Variants in DNAH7 observed in about 807,000 individuals in gnomAD.
The protein encoded by DNAH7 is axonemal beta dynein heavy chain 7.
Under a neutral mutation model 444.6 loss-of-function variants are expected in DNAH7, and 397 were observed. The observed-to-expected ratio is 0.89, with a 90% CI of 0.82 to 0.97. The LOEUF (loss-of-function observed/expected upper bound fraction) is 0.97, where lower values mean the gene tolerates loss of function less well. Among genes scored for constraint, DNAH7 ranks in the 50% least tolerant of loss-of-function variants. The probability of loss-of-function intolerance (pLI) is 0.00; values close to 1 mark genes in which losing one functional copy is unlikely to be tolerated. For synonymous variants in DNAH7, 1,636 were observed against 1,624.4 expected (o/e 1.01, Z -0.17); for missense variants, 4,902 against 4,800.8 (o/e 1.02, Z -0.62).
intron 17 of DNAH7, among the ~76,000 whole-genome samples, chr2:195,965,000 G>A (rs759526695): frequency 6.6e-6 from 1 of 151,948 alleles, no homozygotes; most frequent in African/African-American, 2.4e-5. Flanking sequence ...CCAGCACTAT[G>A]TTGACTCACA....
intron 24 of DNAH7, among the ~76,000 whole-genome samples, chr2:195,911,876 C>T (rs1687379406): frequency 6.6e-6 from 1 of 151,946 alleles, no homozygotes; most frequent in Non-Finnish European, 1.5e-5. Flanking sequence ...AAAATTAAAC[C>T]AAAAGTAAGG....
chr2:195,888,974 T>A lies in DNAH7; in HGVS notation c.5054A>T (p.Asp1685Val), dbSNP rs772695224. 5 of 1,612,440 alleles carry A rather than the reference T, an allele frequency of 3.1e-6. No homozygotes were observed. The Admixed American group carries it at 6.7e-5, about 22-fold the overall frequency. ...GCCATCAAAAATTAACCATTTCCTA[T>A]CTGGAGTCTGTTTCATGCATATGTG... The part of the protein sequence containing the change: ...FRAFASSVTP[D>V]RKWLIFDGPV... Residue 1685 changes from aspartate (D) to valine (V), a missense_variant, in exon 32 of 65, where the codon GAT becomes GTT. Coordinates refer to ENST00000312428, the MANE Select transcript of DNAH7 (RefSeq NM_018897.3).
chr2:195,779,564 T>A (rs934576776), intron 58 of DNAH7, among the ~76,000 whole-genome samples: 7 of 152,086 alleles, frequency 4.6e-5, no homozygotes, highest in African/African-American at 1.7e-4. Context: ...GTTTTTTTTT[T>A]AAACTAGCCT....
At position 195,816,680 on chromosome 2, in the gene DNAH7, G is replaced by A. The variant is rs1286323536; in HGVS notation, c.9709C>T (p.Leu3237Phe). 1 of 1,614,012 alleles carries A rather than the reference G, an allele frequency of 6.2e-7. No individual in the cohort carries two copies. Among genetic ancestry groups the A allele is most frequent in the Non-Finnish European group, 8.5e-7 (1 of 1,179,978 alleles). The change falls in exon 51 of 65, where the codon CTT becomes TTT. Residue 3237 changes from leucine (L) to phenylalanine (F), a missense_variant. Coordinates refer to ENST00000312428, the MANE Select transcript of DNAH7 (RefSeq NM_018897.3). ...YQYSLTWFIN[L>F]FILSIENSEK... ...GAATTTTCAATAGACAGGATGAAAAGGTTAATAAACCAGGTCAGTGAATAC... is the reference window on the plus strand; with the variant it reads ...GAATTTTCAATAGACAGGATGAAAAAGTTAATAAACCAGGTCAGTGAATAC...
chr2:195,810,024 A>G (rs1329175828), intron 51 of DNAH7, among the ~76,000 whole-genome samples, 153 bp from the exon 52 acceptor site: 5 of 152,152 alleles, frequency 3.3e-5, no homozygotes, highest in Admixed American at 2.0e-4. Context: ...TACCAATTTG[A>G]GAGCTACACA....
intron 2 of DNAH7, among the ~76,000 whole-genome samples, chr2:196,051,802 C>T (rs1018082062): frequency 3.3e-5 from 5 of 152,040 alleles, no homozygotes; most frequent in Non-Finnish European, 7.4e-5. Flanking sequence ...ACAAGTTCTA[C>T]CTAGGAACTA....
chr2:195,769,034 A>G (rs902944460), intron 61 of DNAH7, among the ~76,000 whole-genome samples: 1 of 152,202 alleles, frequency 6.6e-6, no homozygotes, highest in Non-Finnish European at 1.5e-5. Flanking sequence ...GAGGTCTTAC[A>G]TTGCTACATT....
At chr2:195,945,600 C>A (rs980136535) in intron 19 of DNAH7, among the ~76,000 whole-genome samples, 1 of 152,018 alleles carries the variant, frequency 6.6e-6, no homozygotes, top group Non-Finnish European at 1.5e-5. Flanking sequence ...ATGTAGAGAG[C>A]CTGGCAGATG....
At chr2:195,810,694 C>T (rs577264695) in intron 51 of DNAH7, among the ~76,000 whole-genome samples, 106 of 151,776 alleles carry the variant, frequency 7.0e-4, no homozygotes, top group African/African-American at 2.4e-3. Context: ...TGCAGCATTC[C>T]CATAAAGAGA....
intron 63 of DNAH7, among the ~76,000 whole-genome samples, chr2:195,748,690 C>A (rs1231855723): frequency 6.6e-6 from 1 of 152,144 alleles, no homozygotes; most frequent in Non-Finnish European, 1.5e-5. Flanking sequence ...CGCTTATCTA[C>A]AACTATCTGA....
intron 52 of DNAH7, among the ~76,000 whole-genome samples, chr2:195,809,244 A>G (rs1225003220): frequency 1.3e-5 from 2 of 152,224 alleles, no homozygotes; most frequent in African/African-American, 4.8e-5. Context: ...CATGTTTTTG[A>G]CTATTTTCCA....
rs1410441318 is a variant in DNAH7, at chr2:195,816,644, C to A, written c.9745G>T (p.Glu3249Ter). The change falls in exon 51 of 65, where the codon GAA becomes TAA. Residue 3249 changes from glutamate to a stop codon, truncating the protein, a stop_gained. Transcript: ENST00000312428. LOFTEE classifies it high-confidence loss of function. ...ILSIENSEKS[E>*]ILAKRLQILK... ...TTTACATACCTTTTTGCCAAAATTT[C>A]TGATTTCTCTGAATTTTCAATAGAC... 6.2e-7 allele frequency: 1 copy of A among 1,609,424 alleles called. No individual in the cohort carries two copies.
intron 1 of DNAH7, chr2:196,063,834 A>T (rs1172487791): frequency 6.6e-6 from 1 of 152,192 alleles, no homozygotes; most frequent in Non-Finnish European, 1.5e-5. Flanking sequence ...TCCTTCTGCA[A>T]CTTTTCATAT....
At chr2:195,942,515 AAT>A (rs1482318832) in intron 19 of DNAH7, among the ~76,000 whole-genome samples, 1 of 152,090 alleles carries the variant, frequency 6.6e-6, no homozygotes, top group African/African-American at 2.4e-5. Context: ...GTGTGGCTGG[AAT>A]AGAGTAAGTA....
At position 195,957,450 on chromosome 2, in the gene DNAH7, G is replaced by A; in HGVS notation, c.2892-3C>T. 6 of 1,528,896 alleles carry A rather than the reference G, an allele frequency of 3.9e-6. No individual in the cohort carries two copies. Among genetic ancestry groups the A allele is most frequent in the Non-Finnish European group, 4.4e-6 (5 of 1,126,310 alleles). 94.7% of individuals were successfully genotyped at this position (1,528,896 alleles called of 1,614,324 possible). A position where few individuals can be genotyped will look rare whatever the true frequency, so the allele number is the denominator to read the frequency against. On this transcript the variant is annotated splice_region_variant and splice_polypyrimidine_tract_variant and intron_variant, in intron 18 of 64. Transcript: ENST00000312428. ...GTAGGAGCTTGCCCTCCCATTCTCT[G>A]AGGAGCAAAACACAGTGGCTCTTAC...
chr2:195,757,403 G>GGCCC, intron 61 of DNAH7, among the ~76,000 whole-genome samples: 1 of 152,270 alleles, frequency 6.6e-6, no homozygotes, highest in East Asian at 1.9e-4. Flanking sequence ...AAACTTTGAA[G>GGCCC]GCCCTGATAA....
At chr2:195,973,847 T>A (rs1692009840) in intron 15 of DNAH7, among the ~76,000 whole-genome samples, 3 of 151,988 alleles carry the variant, frequency 2.0e-5, no homozygotes, top group South Asian at 2.1e-4. Context: ...TAGGCTTTTG[T>A]GAGGTCTAGG....
In DNAH7 at chr2:195,799,365, T is replaced by G. The variant is rs1269685262; in HGVS notation, c.10284A>C (p.Ala3428=). Residue 3428 remains alanine (A), a synonymous_variant, in exon 55 of 65, where the codon GCA becomes GCC. Transcript: ENST00000312428. ...CAGGAGAGAGCACGAAAATCAGTGG[T>G]GCACAGCAGTTACTGTCTCCAAATG... ...AKAFGDSNCC[A]PLIFVLSPGA... The G allele has an allele frequency of 6.2e-7, 1 of 1,612,530 alleles. No individual in the cohort carries two copies. Among genetic ancestry groups the G allele is most frequent in the South Asian group, 1.1e-5 (1 of 90,670 alleles).
In DNAH7 at chr2:195,881,876, T is replaced by C. The variant is rs199669463; in HGVS notation, c.5880A>G (p.Ala1960=). The change falls in exon 36 of 65, where the codon GCA becomes GCG. Residue 1960 remains alanine (A), a synonymous_variant. Transcript: ENST00000312428. ...VPTLDTIRYS[A]LMELLTTHQK... is the part of the protein sequence containing the mutation. ...GATGGGTGGTCAGCAATTCCATTAA[T>C]GCAGAGTATCGAATTGTGTCCAGAG... 3.2e-4 allele frequency: 514 copies of C among 1,613,930 alleles called. No homozygotes were observed. Among genetic ancestry groups the C allele is most frequent in the Middle Eastern group, 1.6e-4 (1 of 6,082 alleles).
Sources: allele counts gnomAD v4.1 joint callset (sites outside exome capture counted in the v4.1 genomes callset), GRCh38; gene constraint gnomAD v4.1.1; transcripts MANE v1.5; gene names NCBI Gene and HGNC (gene_info 2026-07-23, HGNC 2026-07-21).